VSIG10L2: variants seen among roughly 807,000 people sequenced by gnomAD.
VSIG10L2 encodes V-set and immunoglobulin domain containing 10 like 2, also known as V-set and immunoglobulin domain-containing protein 10-like 2.
VSIG10L2 carries 56 observed loss-of-function variants against 67.1 expected under a neutral mutation model. The ratio of observed to expected loss-of-function variants is 0.83; its 90% CI spans 0.67 to 1.04. The LOEUF is 1.04. Among genes scored for constraint, VSIG10L2 ranks in the 50% least tolerant of loss-of-function variants. VSIG10L2 has a pLI of 0.00. For missense variants in VSIG10L2, 843 were observed against 932.8 expected (o/e 0.90, Z 1.25); for synonymous variants, 360 against 396.6 (o/e 0.91, Z 1.10).
rs184046355 is a variant in VSIG10L2, at chr11:125,946,923, C to T, written c.83-763C>T. ...ACCCTGGCCACATGTGAGGGGACAGCGGGGAACATGGTACTTGGGCTTAGG... is the reference window on the plus strand; with the variant it reads ...ACCCTGGCCACATGTGAGGGGACAGTGGGGAACATGGTACTTGGGCTTAGG... On this transcript the variant is annotated intron_variant, in intron 1 of 11. Transcript: ENST00000686984. The surrounding 1 kb of genome is among the most constrained non-coding windows in gnomAD (Gnocchi z 4.4). Among the ~76,000 whole-genome samples the T allele has an allele frequency of 6.6e-5, 10 of 152,278 alleles. No homozygotes were observed. Among genetic ancestry groups the T allele is most frequent in the Non-Finnish European group, 1.2e-4 (8 of 68,014 alleles).
chr11:125,955,992 C>A lies in VSIG10L2; in HGVS notation c.*78C>A. ...AAGAGCCCTTCTGTCAGACTTTGGT[C>A]ATAAAACCAACGTAGCTAAGACACC... On this transcript the variant is annotated 3_prime_UTR_variant, in exon 12 of 12. Transcript: ENST00000686984. 3.1e-6 allele frequency: 2 copies of A among 644,550 alleles called. No homozygotes were observed. The highest frequency in any genetic ancestry group is 1.8e-5 in the South Asian group (1 of 55,858). The allele number at this position is 644,550 out of a possible 1,614,324, so 39.9% of individuals were successfully genotyped here.
At chr11:125,950,330 G>T in intron 4 of VSIG10L2, 41 bp downstream of exon 4, 1 of 1,232,232 alleles carries the variant, frequency 8.1e-7, no homozygotes, top group South Asian at 4.1e-5. Context: ...CTGTCCTGGG[G>T]ACAACTCACG....
At chr11:125,949,019 G>A (rs1023647459) in intron 3 of VSIG10L2, among the ~76,000 whole-genome samples, 8 of 152,204 alleles carry the variant, frequency 5.3e-5, no homozygotes, top group East Asian at 1.9e-4. Flanking sequence ...CCTGGAGCTC[G>A]CTGTCCCACA....
At position 125,946,694 on chromosome 11, in the gene VSIG10L2, T is replaced by C. The variant is rs1447373670; in HGVS notation, c.82+557T>C. ...CTGGGATTACAGGTGTGTGCCACCATGCCCAGCTAATTTTTGTATTTTTAG... is the reference window on the plus strand; with the variant it reads ...CTGGGATTACAGGTGTGTGCCACCACGCCCAGCTAATTTTTGTATTTTTAG... On this transcript the variant is annotated intron_variant, in intron 1 of 11. Transcript: ENST00000686984. This position sits in a 1 kb window ranked among gnomAD's most constrained non-coding sequence, Gnocchi z 4.4. 6.6e-6 allele frequency among the ~76,000 whole-genome samples: 1 copy of C among 152,044 alleles called. No homozygotes were observed. The highest frequency in any genetic ancestry group is 1.5e-5 in the Non-Finnish European group (1 of 67,984).
chr11:125,951,102 C>G lies in VSIG10L2; in HGVS notation c.1178C>G (p.Thr393Ser), dbSNP rs1591529915. The part of the protein sequence containing the change: ...AAQLPSGSVF[T>S]CTGQHPALAP... Reference sequence around the variant, plus strand: ...CAGCTCCCCAGTGGCAGCGTCTTCACCTGCACTGGCCAGCACCCAGCCCTG... The same window carrying G: ...CAGCTCCCCAGTGGCAGCGTCTTCAGCTGCACTGGCCAGCACCCAGCCCTG... Residue 393 changes from threonine to serine, a missense_variant, in exon 5 of 12, where the codon ACC becomes AGC. By Grantham distance (58) the Thr-to-Ser change is moderately conservative. Coordinates refer to ENST00000686984, the MANE Select transcript of VSIG10L2 (RefSeq NM_001365077.2). 4 of 1,233,032 alleles carry G rather than the reference C, an allele frequency of 3.2e-6. 1 individual carries two copies. The East Asian group carries it at 1.3e-4, about 39-fold the overall frequency. 76.4% of individuals were successfully genotyped at this position (1,233,032 alleles called of 1,614,324 possible). A position where few individuals can be genotyped will look rare whatever the true frequency, so the allele number is the denominator to read the frequency against.
In VSIG10L2 at chr11:125,955,487, G is replaced by A. The variant is rs1945450176; in HGVS notation, c.2212G>A (p.Gly738Ser). The change falls in exon 10 of 12, where the codon GGT (glycine) becomes AGT (serine). Residue 738 changes from glycine (G) to serine (S), a missense_variant. Gly to Ser is a moderately conservative substitution (Grantham distance 56). Around this residue, in one of 2 missense-constraint regions of VSIG10L2, gnomAD observed 397 missense variants for 384.4 expected, o/e 1.03. Transcript: ENST00000686984. ...ARHPETFPRL[G>S]QLLVPTEQRH... is the part of the protein sequence containing the mutation. The stretch of plus-strand genomic sequence containing the variant: ...TTTTCTTTTCCTTCCTACAGGCCTT[G>A]GTCAATTGCTTGTTCCCACGTGAGT... The A allele has an allele frequency of 1.2e-6, 1 of 817,924 alleles. No homozygotes were observed. The highest frequency in any genetic ancestry group is 1.9e-6 in the Non-Finnish European group (1 of 521,580). 50.7% of individuals were successfully genotyped at this position (817,924 alleles called of 1,614,324 possible).
intron 5 of VSIG10L2, 109 bp downstream of exon 5, chr11:125,951,267 G>T: frequency 9.2e-7 from 1 of 1,084,996 alleles, no homozygotes; most frequent in Non-Finnish European, 1.2e-6. Context: ...CAGACCGCAG[G>T]CTCCAAAACA....
Position 125,951,192 on chromosome 11 carries a change from A to AT in VSIG10L2, c.1234+36dup, listed in dbSNP as rs1945363819. ...ACACAGGAAACCCCAGGGCTCTGAC[A>AT]TTCCAGGCAGAGTGTGGGTAGAGGT... On this transcript the variant is annotated intron_variant, in intron 5 of 11. Coordinates refer to ENST00000686984, the MANE Select transcript of VSIG10L2 (RefSeq NM_001365077.2). 9 of 1,232,482 alleles carry AT rather than the reference A, an allele frequency of 7.3e-6. No homozygotes were observed. In the East Asian group the frequency reaches 2.8e-4, roughly 39 times the overall value. The allele number at this position is 1,232,482 out of a possible 1,614,324, so 76.3% of individuals were successfully genotyped here. A position where few individuals can be genotyped will look rare whatever the true frequency, so the allele number is the denominator to read the frequency against.
rs1441556950 is a variant in VSIG10L2 at position 125,953,470 on chromosome 11, C to T, written c.1566C>T (p.Cys522=). The change falls in exon 7 of 12, where the codon TGC becomes TGT. Residue 522 remains cysteine (C), a synonymous_variant. Transcript: ENST00000686984. ...VLEGGEAWLE[C]SLRGGTPPAQ... is the part of the protein sequence containing the mutation. ...AGGGGGGAGAGGCCTGGCTGGAGTG[C>T]TCTCTCCGCGGGGGCACACCACCTG... 16 of 1,232,348 alleles carry T rather than the reference C, an allele frequency of 1.3e-5. No individual in the cohort carries two copies. Among genetic ancestry groups the T allele is most frequent in the Non-Finnish European group, 1.4e-5 (14 of 988,142 alleles). 76.3% of individuals were successfully genotyped at this position (1,232,348 alleles called of 1,614,324 possible).
rs994717717 is a variant in VSIG10L2, at chr11:125,951,898, C to T, written c.1320C>T (p.Gly440=). The T allele has an allele frequency of 1.8e-5, 28 of 1,535,250 alleles. No homozygotes were observed. Among genetic ancestry groups the T allele is most frequent in the African/African-American group, 1.5e-4 (11 of 73,154 alleles). The change falls in exon 6 of 12, where the codon GGC becomes GGT. Residue 440 remains glycine (G), a synonymous_variant. Coordinates refer to ENST00000686984, the MANE Select transcript of VSIG10L2 (RefSeq NM_001365077.2). ...TGCTGAGCTGCGAGTGGCCTGGCGGCGAGCCCCCTGCCACGCTGGGCTGGC... is the reference window on the plus strand; with the variant it reads ...TGCTGAGCTGCGAGTGGCCTGGCGGTGAGCCCCCTGCCACGCTGGGCTGGC... ...FIMLSCEWPG[G]EPPATLGWLD... is the part of the protein sequence containing the mutation.
At position 125,946,795 on chromosome 11, in the gene VSIG10L2, C is replaced by T. The variant is rs568940888; in HGVS notation, c.82+658C>T. On this transcript the variant is annotated intron_variant, in intron 1 of 11. Coordinates refer to ENST00000686984, the MANE Select transcript of VSIG10L2 (RefSeq NM_001365077.2). This position sits in a 1 kb window ranked among gnomAD's most constrained non-coding sequence, Gnocchi z 4.4. ...TCAGGTGATCTGCCCGCCTCAGCCTCCCAGAGTGCTGGGATTACAGGCCTG... is the reference window on the plus strand; with the variant it reads ...TCAGGTGATCTGCCCGCCTCAGCCTTCCAGAGTGCTGGGATTACAGGCCTG... 6.6e-5 allele frequency among the ~76,000 whole-genome samples: 10 copies of T among 152,332 alleles called. No individual in the cohort carries two copies. The highest frequency in any genetic ancestry group is 6.5e-4 in the Admixed American group (10 of 15,308).
intron 1 of VSIG10L2, 95 bp from the exon 2 acceptor site, chr11:125,947,591 A>C (rs1421032690): frequency 8.1e-7 from 1 of 1,231,212 alleles, no homozygotes; most frequent in Admixed American, 4.2e-5. Flanking sequence ...GCCGCTTGGG[A>C]CTGCAGAACC....
chr11:125,947,342 C>T (rs1945311964), intron 1 of VSIG10L2: 3 of 805,284 alleles, frequency 3.7e-6, no homozygotes, highest in Non-Finnish European at 4.5e-6. Flanking sequence ...GGGCCCTGAC[C>T]CCCTCACCAC....
At position 125,951,909 on chromosome 11, in the gene VSIG10L2, C is replaced by T. The variant is rs1364154647; in HGVS notation, c.1331C>T (p.Ala444Val). 7 of 1,535,642 alleles carry T rather than the reference C, an allele frequency of 4.6e-6. No homozygotes were observed. The highest frequency in any genetic ancestry group is 1.2e-5 in the South Asian group (1 of 84,030). ...SCEWPGGEPPATLGWLDEQQQ... is the reference protein window; with the variant it reads ...SCEWPGGEPPVTLGWLDEQQQ... ...GAGTGGCCTGGCGGCGAGCCCCCTGCCACGCTGGGCTGGCTTGACGAACAG... is the reference window on the plus strand; with the variant it reads ...GAGTGGCCTGGCGGCGAGCCCCCTGTCACGCTGGGCTGGCTTGACGAACAG... Residue 444 changes from alanine to valine, a missense_variant, in exon 6 of 12, where the codon GCC (alanine) becomes GTC (valine). By Grantham distance (64) the Ala-to-Val change is moderately conservative. This residue lies in a region of VSIG10L2 where 446 missense variants were observed against 548.4 expected (regional missense o/e 0.81). Coordinates refer to ENST00000686984, the MANE Select transcript of VSIG10L2 (RefSeq NM_001365077.2).
chr11:125,948,319 C>G lies in VSIG10L2; in HGVS notation c.448C>G (p.Pro150Ala). Residue 150 changes from proline to alanine, a missense_variant, in exon 3 of 12, where the codon CCT (proline) becomes GCT (alanine). By Grantham distance (27) the Pro-to-Ala change is conservative (BLOSUM62 -1). This residue lies in a region of VSIG10L2 where 446 missense variants were observed against 548.4 expected (regional missense o/e 0.81). Transcript: ENST00000686984. ...TLAVLVPVSK[P>A]QVRLSNPSPV... ...CCTCTGGCCAGTGCCGGTGTCCAAGCCTCAAGTGCGACTGAGTAACCCGTC... is the reference window on the plus strand; with the variant it reads ...CCTCTGGCCAGTGCCGGTGTCCAAGGCTCAAGTGCGACTGAGTAACCCGTC... 8.1e-7 allele frequency: 1 copy of G among 1,232,628 alleles called. No individual in the cohort carries two copies. Among genetic ancestry groups the G allele is most frequent in the Non-Finnish European group, 1.0e-6 (1 of 988,356 alleles). 76.4% of individuals were successfully genotyped at this position (1,232,628 alleles called of 1,614,324 possible).
intron 8 of VSIG10L2, 85 bp downstream of exon 8, chr11:125,954,468 C>A: frequency 8.9e-7 from 1 of 1,126,014 alleles, no homozygotes; most frequent in Non-Finnish European, 1.1e-6. Context: ...GGCATCCCCT[C>A]CTCTCTTCCT....
At chr11:125,951,457 C>G (rs904015523) in intron 5 of VSIG10L2, among the ~76,000 whole-genome samples, 1 of 152,218 alleles carries the variant, frequency 6.6e-6, no homozygotes, top group Non-Finnish European at 1.5e-5. Context: ...ACCGCTCTGA[C>G]GCATGTTGGG....
intron 5 of VSIG10L2, among the ~76,000 whole-genome samples, chr11:125,951,372 T>C (rs1945367626): frequency 6.6e-6 from 1 of 152,180 alleles, no homozygotes; most frequent in Non-Finnish European, 1.5e-5. Context: ...CACTTTGGGC[T>C]TGGAGCCCTG....
chr11:125,950,396 TG>T, intron 4 of VSIG10L2, 107 bp downstream of exon 4: 1 of 1,146,950 alleles, frequency 8.7e-7, no homozygotes, highest in Non-Finnish European at 1.1e-6. Context: ...TGGAGAGGCG[TG>T]TGCCAAAGCT....
Sources: gnomAD v4.1 joint callset for allele counts (sites outside exome capture counted in the v4.1 genomes callset) on GRCh38, gnomAD v4.1.1 for gene constraint, gnomAD v4.1.1 regional missense constraint, Gnocchi (gnomAD v3.1) non-coding constraint, MANE v1.5 for transcripts, NCBI Gene and HGNC (gene_info 2026-07-23, HGNC 2026-07-21) for gene names.